Variants in PLD1 observed in about 807,000 individuals in gnomAD.
PLD1 encodes choline phosphatase 1.
A neutral mutation model predicts 137.1 loss-of-function variants in PLD1; 112 were observed. The observed-to-expected ratio is 0.82, with a 90% CI of 0.70 to 0.96. PLD1 has a LOEUF of 0.96. PLD1 is among the 40% of genes least tolerant of loss of function. The pLI, the probability that PLD1 is intolerant of heterozygous loss-of-function variation, is 0.00. For synonymous variants in PLD1, 431 were observed against 454.7 expected (o/e 0.95, Z 0.66); for missense variants, 1,321 against 1,342.0 (o/e 0.98, Z 0.24).
intron 9 of PLD1, among the ~76,000 whole-genome samples, chr3:171,710,660 A>AC (rs1717122939): frequency 6.6e-6 from 1 of 151,776 alleles, no homozygotes; most frequent in Non-Finnish European, 1.5e-5. Flanking sequence ...GGGGTTGGCG[A>AC]CCCCTGCTCT....
At chr3:171,744,457 G>C (rs1719999503) in intron 1 of PLD1, among the ~76,000 whole-genome samples, 1 of 152,072 alleles carries the variant, frequency 6.6e-6, no homozygotes, top group Non-Finnish European at 1.5e-5. Context: ...CCCTTCCACT[G>C]AGCTCCACAT....
chr3:171,703,958 G>A (rs1418208568), intron 11 of PLD1, among the ~76,000 whole-genome samples: 2 of 152,128 alleles, frequency 1.3e-5, no homozygotes, highest in Admixed American at 1.3e-4. Context: ...TCTGGACATG[G>A]GTGCCATCAG....
chr3:171,729,707 G>A (rs111237810), intron 6 of PLD1, among the ~76,000 whole-genome samples: 330 of 152,316 alleles, frequency 2.2e-3, no homozygotes, highest in African/African-American at 7.5e-3. Context: ...CCTTCTCAAC[G>A]CTAAGACTCA....
At chr3:171,739,141 C>T (rs1393478065) in intron 1 of PLD1, among the ~76,000 whole-genome samples, 4 of 152,172 alleles carry the variant, frequency 2.6e-5, no homozygotes, top group Non-Finnish European at 5.9e-5. Context: ...CCAAAGTTCA[C>T]CCCTGGCCTC....
At chr3:171,672,825 C>T (rs1007454302) in intron 19 of PLD1, among the ~76,000 whole-genome samples, 3 of 152,094 alleles carry the variant, frequency 2.0e-5, no homozygotes, top group African/African-American at 4.8e-5. Flanking sequence ...GCGGAAAAAG[C>T]GAACGAAGAG....
Position 171,733,481 on chromosome 3 carries a change from A to C in PLD1, c.569T>G (p.Ile190Arg). 1 of 1,338,744 alleles carries C rather than the reference A, an allele frequency of 7.5e-7. No homozygotes were observed. Among genetic ancestry groups the C allele is most frequent in the Non-Finnish European group, 1.1e-6 (1 of 932,956 alleles). 82.9% of individuals were successfully genotyped at this position (1,338,744 alleles called of 1,614,324 possible). ...RKQLEDYLTK[I>R]LKMPMYRNYH... ...GTTTCTATACATGGGCATTTTTAGT[A>C]TCTTTGTCAAGTAATCTTCCAGTTG... The change falls in exon 6 of 27, where the codon ATA (isoleucine) becomes AGA (arginine). Residue 190 changes from isoleucine (I) to arginine (R), a missense_variant. By Grantham distance (97) the Ile-to-Arg change is moderately conservative. Coordinates refer to ENST00000351298, the MANE Select transcript of PLD1 (RefSeq NM_002662.5).
rs371672669 is a variant in PLD1 at position 171,659,549 on chromosome 3, T to A, written c.2341-248A>T. Among the ~76,000 whole-genome samples the A allele has an allele frequency of 3.3e-5, 5 of 152,320 alleles. No homozygotes were observed. In the South Asian group the frequency reaches 1.0e-3, roughly 32 times the overall value. On this transcript the variant is annotated intron_variant, in intron 20 of 26. Transcript: ENST00000351298. ...AAAGTTACACTATATTATTTCACCA[T>A]GAGAATTCCTTATAGGTGATTTTCT... is the stretch of plus-strand genomic sequence containing the variant.
At chr3:171,620,742 C>CTCTCTCTATATA (rs1473647659) in intron 23 of PLD1, among the ~76,000 whole-genome samples, 40 of 94,776 alleles carry the variant, frequency 4.2e-4, no homozygotes, top group Admixed American at 7.0e-4. Flanking sequence ...CTCTCTCTCT[C>CTCTCTCTATATA]TATATATATA....
intron 19 of PLD1, among the ~76,000 whole-genome samples, chr3:171,663,844 C>G (rs2061064): frequency 0.49 from 74,096 of 151,954 alleles, 18,811 homozygotes; most frequent in African/African-American, 0.63. Flanking sequence ...AAAAAGAATG[C>G]TCCCATACTC....
intron 9 of PLD1, among the ~76,000 whole-genome samples, chr3:171,712,327 A>G (rs1223773084): frequency 2.0e-5 from 3 of 152,212 alleles, no homozygotes; most frequent in Non-Finnish European, 4.4e-5. Context: ...AGGGCACAGG[A>G]GGTGCCTGGG....
At chr3:171,803,859 G>T (rs566704119) in intron 1 of PLD1, among the ~76,000 whole-genome samples, 1 of 152,224 alleles carries the variant, frequency 6.6e-6, no homozygotes, top group East Asian at 1.9e-4. Context: ...AACATAAATA[G>T]CATAGAGAGC....
intron 25 of PLD1, among the ~76,000 whole-genome samples, chr3:171,608,775 T>G (rs1732414181): frequency 6.6e-6 from 1 of 152,032 alleles, no homozygotes; most frequent in South Asian, 2.1e-4. Flanking sequence ...AGATGTTAAT[T>G]GTAAAAAGTA....
intron 8 of PLD1, among the ~76,000 whole-genome samples, chr3:171,714,468 T>C (rs1717523785): frequency 6.6e-6 from 1 of 152,206 alleles, no homozygotes; most frequent in Non-Finnish European, 1.5e-5. Flanking sequence ...TGTAGAGTGA[T>C]AGACTGAATC....
chr3:171,696,340 T>C (rs1465429001), intron 12 of PLD1, among the ~76,000 whole-genome samples: 1 of 152,172 alleles, frequency 6.6e-6, no homozygotes, highest in Non-Finnish European at 1.5e-5. Flanking sequence ...AAGATTGGCT[T>C]TTATTATTTT....
At chr3:171,712,314 G>A (rs1326825362) in intron 9 of PLD1, among the ~76,000 whole-genome samples, 1 of 152,194 alleles carries the variant, frequency 6.6e-6, no homozygotes, top group Non-Finnish European at 1.5e-5. Context: ...GGATGGAGAC[G>A]AGAGGGCACA....
chr3:171,658,515 G>C (rs551843561), intron 21 of PLD1, among the ~76,000 whole-genome samples: 26 of 152,088 alleles, frequency 1.7e-4, no homozygotes, highest in Non-Finnish European at 2.2e-4. Context: ...TAATAGATAA[G>C]CTTCAAGAAC....
intron 1 of PLD1, among the ~76,000 whole-genome samples, chr3:171,803,036 G>A (rs995340748): frequency 6.6e-6 from 1 of 152,182 alleles, no homozygotes; most frequent in African/African-American, 2.4e-5. Context: ...TTACATATGT[G>A]ATAGAACCTG....
At chr3:171,763,289 G>T (rs79266983) in intron 1 of PLD1, among the ~76,000 whole-genome samples, 4,826 of 151,408 alleles carry the variant, frequency 0.032, 112 homozygotes, top group Non-Finnish European at 0.054. Flanking sequence ...AGGCATGGTG[G>T]CTCACACTTG....
chr3:171,726,750 T>C (rs1487546440), intron 6 of PLD1, among the ~76,000 whole-genome samples: 1 of 152,228 alleles, frequency 6.6e-6, no homozygotes, highest in East Asian at 1.9e-4. Flanking sequence ...TAACAACAAC[T>C]GTGGCTGTGT....
Sources: allele counts gnomAD v4.1 joint callset (sites outside exome capture counted in the v4.1 genomes callset), GRCh38; gene constraint gnomAD v4.1.1; transcripts MANE v1.5; gene names NCBI Gene and HGNC (gene_info 2026-07-23, HGNC 2026-07-21).